HADHB: variants seen among roughly 807,000 people sequenced by gnomAD.
The protein encoded by HADHB is trifunctional enzyme subunit beta, mitochondrial.
In HADHB, 50 loss-of-function variants were observed where a neutral mutation model predicts 61.9. The observed-to-expected ratio is 0.81, with a 90% CI of 0.64 to 1.02. The LOEUF (loss-of-function observed/expected upper bound fraction) is 1.02, where lower values mean the gene tolerates loss of function less well. Among genes scored for constraint, HADHB ranks in the 50% least tolerant of loss-of-function variants. The pLI is 0.00. For synonymous variants in HADHB, 191 were observed against 201.6 expected (o/e 0.95, Z 0.45); for missense variants, 504 against 586.5 (o/e 0.86, Z 1.45).
At chr2:26,277,023 A>G (rs374376500) in intron 6 of HADHB, 50 bp from the exon 7 acceptor site, 15 of 893,866 alleles carry the variant, frequency 1.7e-5, no homozygotes, top group Admixed American at 8.5e-5. Context: ...CATCATTTAC[A>G]TGATGCCCTT....
chr2:26,261,215 C>T (rs369508676), intron 3 of HADHB: 3 of 469,920 alleles, frequency 6.4e-6, no homozygotes, highest in East Asian at 3.1e-5. Context: ...AACAAATACC[C>T]CCCCCCCATC....
chr2:26,284,085 G>C, intron 12 of HADHB, 32 bp from the exon 13 acceptor site: 1 of 1,224,662 alleles, frequency 8.2e-7, no homozygotes, highest in Non-Finnish European at 1.2e-6. Flanking sequence ...AAAAATTAAA[G>C]TTTTAAGATA....
intron 9 of HADHB, 74 bp from the exon 10 acceptor site, chr2:26,279,920 A>C: frequency 8.9e-7 from 1 of 1,120,770 alleles, no homozygotes; most frequent in Non-Finnish European, 1.3e-6. Flanking sequence ...TGTAATTTTT[A>C]AAGCATATTT....
chr2:26,248,949 C>G (rs941827461), intron 1 of HADHB, among the ~76,000 whole-genome samples: 1 of 151,734 alleles, frequency 6.6e-6, no homozygotes, highest in Non-Finnish European at 1.5e-5. Context: ...CTCAGCTACT[C>G]GGGAGGCTGA....
intron 1 of HADHB, among the ~76,000 whole-genome samples, chr2:26,245,594 GAA>G (rs1486286872): frequency 6.6e-6 from 1 of 152,072 alleles, no homozygotes; most frequent in Non-Finnish European, 1.5e-5. Context: ...AAGCGGTGAA[GAA>G]ACTGCCTACG....
intron 13 of HADHB, among the ~76,000 whole-genome samples, chr2:26,284,489 G>A (rs577437841): frequency 1.9e-4 from 28 of 149,846 alleles, no homozygotes; most frequent in Admixed American, 1.7e-3. Flanking sequence ...TGGAGACAGA[G>A]TCTTGCTCTG....
intron 3 of HADHB, chr2:26,254,728 G>GTTCC (rs1395246375): frequency 2.2e-6 from 1 of 463,652 alleles, no homozygotes; most frequent in African/African-American, 2.0e-5. Flanking sequence ...AGTCATGGAG[G>GTTCC]TTCCATAAAC....
At chr2:26,252,596 C>A (rs527663228) in intron 1 of HADHB, among the ~76,000 whole-genome samples, 26 of 152,258 alleles carry the variant, frequency 1.7e-4, no homozygotes, top group African/African-American at 5.1e-4. Context: ...GCATGCTGTA[C>A]AGCTATTTTG....
In HADHB at chr2:26,286,401, A is replaced by AT. The variant is rs56857470; in HGVS notation, c.1389+836dup. 2.3e-3 allele frequency among the ~76,000 whole-genome samples: 343 copies of AT among 152,200 alleles called. 3 individuals carry two copies. The highest frequency in any genetic ancestry group is 7.0e-3 in the African/African-American group (290 of 41,516). The stretch of plus-strand genomic sequence containing the variant: ...AGCTGGGGAAATATATTGTTGACAG[A>AT]TTTTTTCCTTTCTACTTCACTTGCA... On this transcript the variant is annotated intron_variant, in intron 15 of 15. Transcript: ENST00000317799.
intron 1 of HADHB, among the ~76,000 whole-genome samples, chr2:26,252,519 C>T (rs920139000): frequency 3.3e-5 from 5 of 152,152 alleles, no homozygotes; most frequent in African/African-American, 1.2e-4. Context: ...TATTATACTT[C>T]CAGGGGGATT....
chr2:26,257,167 C>T (rs1671650055), intron 3 of HADHB, among the ~76,000 whole-genome samples: 1 of 147,684 alleles, frequency 6.8e-6, no homozygotes, highest in African/African-American at 2.5e-5. Context: ...GTCGCCCAGG[C>T]TGGAGTGCAG....
chr2:26,253,470 G>T, intron 1 of HADHB, among the ~76,000 whole-genome samples: 1 of 152,028 alleles, frequency 6.6e-6, no homozygotes, highest in East Asian at 1.9e-4. Flanking sequence ...TAATACTAAT[G>T]GTTTTATTAT....
intron 3 of HADHB, chr2:26,261,351 TAAGC>T: frequency 4.6e-5 from 14 of 302,164 alleles, no homozygotes; most frequent in South Asian, 8.5e-5. Flanking sequence ...TTCTGTATTC[TAAGC>T]TTCAATATTT....
At chr2:26,284,001 CAAAG>C (rs1348876420) in intron 12 of HADHB, 112 bp from the exon 13 acceptor site, 12 of 692,798 alleles carry the variant, frequency 1.7e-5, no homozygotes, top group Middle Eastern at 3.9e-4. Flanking sequence ...ACAGAAAAAT[CAAAG>C]AATGAGTGAA....
At chr2:26,268,448 T>A (rs532066132) in intron 4 of HADHB, among the ~76,000 whole-genome samples, 1 of 152,318 alleles carries the variant, frequency 6.6e-6, no homozygotes, top group Admixed American at 6.5e-5. Flanking sequence ...ATAGTAACTT[T>A]ATAGTGGAGT....
rs148682676 is a variant in HADHB, at chr2:26,261,421, A to G, written c.110-1959A>G. 4.0e-3 allele frequency: 721 copies of G among 180,612 alleles called. 8 individuals are homozygous for G. Among genetic ancestry groups the G allele is most frequent in the Middle Eastern group, 0.019 (7 of 378 alleles). 11.2% of individuals were successfully genotyped at this position (180,612 alleles called of 1,614,324 possible). On this transcript the variant is annotated intron_variant, in intron 3 of 15. Coordinates refer to ENST00000317799, the MANE Select transcript of HADHB (RefSeq NM_000183.3). ...TCAGAGGTTTTGCTTTGCATCTTCTAGCTAACTGTGGAATTAACATATCCA... is the reference window on the plus strand; with the variant it reads ...TCAGAGGTTTTGCTTTGCATCTTCTGGCTAACTGTGGAATTAACATATCCA...
chr2:26,263,502 A>T lies in HADHB; in HGVS notation c.209+23A>T, dbSNP rs575855335. The T allele has an allele frequency of 3.5e-6, 5 of 1,414,192 alleles. No individual in the cohort carries two copies. The East Asian group carries it at 9.1e-5, about 26-fold the overall frequency. The allele number at this position is 1,414,192 out of a possible 1,614,324, so 87.6% of individuals were successfully genotyped here. A position where few individuals can be genotyped will look rare whatever the true frequency, so the allele number is the denominator to read the frequency against. On this transcript the variant is annotated intron_variant, in intron 4 of 15. Coordinates refer to ENST00000317799, the MANE Select transcript of HADHB (RefSeq NM_000183.3). ...TTCGTAAGTATGACATGATCATATT[A>T]TTTTTTTCCTTCTTTTAAGACACTT...
chr2:26,253,864 AT>A (rs879293712), intron 1 of HADHB, among the ~76,000 whole-genome samples: 7,353 of 123,648 alleles, frequency 0.059, 285 homozygotes, highest in Middle Eastern at 0.081. Context: ...AAAAAAATAA[AT>A]AAATAAATAA....
rs183021370 is a variant in HADHB at position 26,284,072 on chromosome 2, T to C, written c.1062-45T>C. ...TTGGGGAATATGAAGGAGCTCTTAGTTTAAAAATTAAAGTTTTAAGATATT... is the reference window on the plus strand; with the variant it reads ...TTGGGGAATATGAAGGAGCTCTTAGCTTAAAAATTAAAGTTTTAAGATATT... On this transcript the variant is annotated intron_variant, in intron 12 of 15. Coordinates refer to ENST00000317799, the MANE Select transcript of HADHB (RefSeq NM_000183.3). 218 of 1,059,776 alleles carry C rather than the reference T, an allele frequency of 2.1e-4. No individual in the cohort carries two copies. In the East Asian group the frequency reaches 4.7e-3, roughly 23 times the overall value. The allele number at this position is 1,059,776 out of a possible 1,614,324, so 65.6% of individuals were successfully genotyped here.
Sources: allele counts gnomAD v4.1 joint callset (sites outside exome capture counted in the v4.1 genomes callset), GRCh38; gene constraint gnomAD v4.1.1; transcripts MANE v1.5; gene names NCBI Gene and HGNC (gene_info 2026-07-23, HGNC 2026-07-21).